The following GALNTL6 variants were observed in gnomAD, a reference collection of about 807,000 sequenced individuals.
GALNTL6 encodes polypeptide N-acetylgalactosaminyltransferase like 6.
GALNTL6 carries 46 observed loss-of-function variants against 73.7 expected under a neutral mutation model. The ratio of observed to expected loss-of-function variants is 0.62; its 90% CI spans 0.49 to 0.80. The LOEUF (loss-of-function observed/expected upper bound fraction) is 0.80, where lower values mean the gene tolerates loss of function less well. Ranked by LOEUF, GALNTL6 falls within the 30% of genes least tolerant of loss-of-function variation. The pLI is 0.00. For missense variants in GALNTL6, 604 were observed against 755.0 expected, an observed-to-expected ratio of 0.80 and a Z score of 2.34; for synonymous variants, 259 against 263.7, an observed-to-expected ratio of 0.98 and a Z score of 0.17.
intron 5 of GALNTL6, among the ~76,000 whole-genome samples, chr4:172,400,786 C>T (rs574060108): frequency 4.6e-5 from 7 of 152,018 alleles, no homozygotes; most frequent in South Asian, 4.1e-4. Flanking sequence ...GGGATTCTGA[C>T]GAGTTTTATT....
intron 2 of GALNTL6, among the ~76,000 whole-genome samples, chr4:171,915,839 T>C (rs898004663): frequency 6.6e-6 from 1 of 152,152 alleles, no homozygotes; most frequent in Non-Finnish European, 1.5e-5. Flanking sequence ...TTCTGCTTTT[T>C]CCCAACACTT....
intron 2 of GALNTL6, among the ~76,000 whole-genome samples, chr4:171,987,906 A>G (rs535837646): frequency 1.8e-3 from 269 of 152,252 alleles, no homozygotes; most frequent in African/African-American, 5.8e-3. Flanking sequence ...AATAATGTGG[A>G]AGTCGGGATT....
At chr4:172,825,941 C>T (rs1742242109) in intron 7 of GALNTL6, among the ~76,000 whole-genome samples, 2 of 152,164 alleles carry the variant, frequency 1.3e-5, no homozygotes, top group African/African-American at 4.8e-5. Context: ...CAAGAATTTA[C>T]ATTTTAACTT....
At chr4:172,022,261 G>T (rs578246361) in intron 2 of GALNTL6, among the ~76,000 whole-genome samples, 1 of 151,860 alleles carries the variant, frequency 6.6e-6, no homozygotes, top group African/African-American at 2.4e-5. Context: ...CCATTTCTCC[G>T]CTGCCATTTC....
chr4:172,346,533 A>G (rs1472637504), intron 4 of GALNTL6, among the ~76,000 whole-genome samples: 2 of 152,190 alleles, frequency 1.3e-5, no homozygotes, highest in African/African-American at 4.8e-5. Flanking sequence ...AATTTCTACA[A>G]CATTTTCCAA....
Position 172,508,078 on chromosome 4 carries a change from G to A in GALNTL6, c.553+159389G>A, listed in dbSNP as rs1354194684. Among the ~76,000 whole-genome samples the A allele has an allele frequency of 7.3e-5, 4 of 54,762 alleles. 2 individuals are homozygous for A. Among genetic ancestry groups the A allele is most frequent in the African/African-American group, 1.8e-4 (4 of 21,858 alleles). The allele number at this position is 54,762 out of a possible 152,430, so 35.9% of individuals were successfully genotyped here. A position where few individuals can be genotyped will look rare whatever the true frequency, so the allele number is the denominator to read the frequency against. The stretch of plus-strand genomic sequence containing the variant: ...AAGACTTTCCTTTAAATAGATATAC[G>A]TTAAACAGGAAAGTATAGAGGGTGC... On this transcript the variant is annotated intron_variant, in intron 5 of 12. Coordinates refer to ENST00000506823, the MANE Select transcript of GALNTL6 (RefSeq NM_001034845.3).
Position 171,872,399 on chromosome 4 carries a change from A to G in GALNTL6, c.138+57681A>G, listed in dbSNP as rs1393206928. On this transcript the variant is annotated intron_variant, in intron 2 of 12. Transcript: ENST00000506823. ...TTCTATGAAAATCGTTCCTAAGAAA[A>G]GTAATATTTGAGGTAAGATGCCTAA... Among the ~76,000 whole-genome samples, 14 of 152,226 alleles carry G rather than the reference A, an allele frequency of 9.2e-5. 1 individual carries two copies.
At chr4:171,852,951 G>A (rs1735562164) in intron 2 of GALNTL6, among the ~76,000 whole-genome samples, 1 of 150,686 alleles carries the variant, frequency 6.6e-6, no homozygotes, top group Admixed American at 6.6e-5. Context: ...GGTTCACGCC[G>A]TTCGCCTGCC....
Position 171,966,470 on chromosome 4 carries a change from G to A in GALNTL6, c.138+151752G>A, listed in dbSNP as rs78563241. On this transcript the variant is annotated intron_variant, in intron 2 of 12. Coordinates refer to ENST00000506823, the MANE Select transcript of GALNTL6 (RefSeq NM_001034845.3). The stretch of plus-strand genomic sequence containing the variant: ...CTAAAGGTGGGCTCCAGGTAGGGAT[G>A]TCATATTTGCCTGATTGGATAAGAA... 9.9e-3 allele frequency among the ~76,000 whole-genome samples: 1,501 copies of A among 152,256 alleles called. 10 individuals carry two copies. The highest frequency in any genetic ancestry group is 0.015 in the Non-Finnish European group (1,003 of 68,016).
intron 5 of GALNTL6, among the ~76,000 whole-genome samples, chr4:172,752,384 A>C (rs1737476481): frequency 6.6e-6 from 1 of 152,174 alleles, no homozygotes; most frequent in East Asian, 1.9e-4. Context: ...TACTTCCTTC[A>C]TTTTTTCCCC....
At chr4:172,815,405 C>T (rs1367429535) in intron 7 of GALNTL6, among the ~76,000 whole-genome samples, 3 of 152,152 alleles carry the variant, frequency 2.0e-5, no homozygotes, top group Non-Finnish European at 4.4e-5. Context: ...TGGCCCACAG[C>T]AGAAGAGCCA....
chr4:171,912,924 C>T (rs1737516353), intron 2 of GALNTL6, among the ~76,000 whole-genome samples: 1 of 152,114 alleles, frequency 6.6e-6, no homozygotes, highest in African/African-American at 2.4e-5. Flanking sequence ...TATAAATGTA[C>T]CACGTTTCCT....
chr4:171,917,990 T>G (rs6832294), intron 2 of GALNTL6, among the ~76,000 whole-genome samples: 31,973 of 151,960 alleles, frequency 0.21, 3,468 homozygotes, highest in South Asian at 0.28. Context: ...CATCCAAACA[T>G]TTTTTAATGG....
chr4:172,480,729 T>C (rs1167369009), intron 5 of GALNTL6, among the ~76,000 whole-genome samples: 1 of 152,174 alleles, frequency 6.6e-6, no homozygotes, highest in African/African-American at 2.4e-5. Flanking sequence ...CATTTATTTG[T>C]TTGTGGTCAG....
intron 4 of GALNTL6, among the ~76,000 whole-genome samples, chr4:172,335,846 A>G (rs1010359701): frequency 1.3e-5 from 2 of 152,140 alleles, no homozygotes; most frequent in African/African-American, 2.4e-5. Flanking sequence ...TTCTTTATTA[A>G]TAAAGCTAAT....
intron 2 of GALNTL6, among the ~76,000 whole-genome samples, chr4:171,842,379 A>G (rs1735259536): frequency 1.3e-5 from 2 of 152,128 alleles, no homozygotes; most frequent in South Asian, 4.1e-4. Flanking sequence ...TCTGGCCCTC[A>G]AAGTAGACAC....
At chr4:172,629,691 A>G (rs1254363402) in intron 5 of GALNTL6, among the ~76,000 whole-genome samples, 1 of 152,198 alleles carries the variant, frequency 6.6e-6, no homozygotes, top group Non-Finnish European at 1.5e-5. Context: ...CACTTCAATT[A>G]AAAGATTGTT....
At chr4:172,057,724 A>AT (rs1731067896) in intron 2 of GALNTL6, among the ~76,000 whole-genome samples, 4 of 70,620 alleles carry the variant, frequency 5.7e-5, no homozygotes, top group South Asian at 5.1e-4. Flanking sequence ...AAAAAAAAAA[A>AT]AAAATATATA....
chr4:172,553,079 C>T (rs1367691000), intron 5 of GALNTL6, among the ~76,000 whole-genome samples: 2 of 152,050 alleles, frequency 1.3e-5, no homozygotes, highest in African/African-American at 4.8e-5. Flanking sequence ...TCTAGTCCTT[C>T]CATATTGGTT....
Sources: allele counts gnomAD v4.1 joint callset (sites outside exome capture counted in the v4.1 genomes callset), GRCh38; gene constraint gnomAD v4.1.1; transcripts MANE v1.5; gene names NCBI Gene and HGNC (gene_info 2026-07-23, HGNC 2026-07-21).